CLSTN2: variants seen among roughly 807,000 people sequenced by gnomAD.
The protein encoded by CLSTN2 is calsyntenin-2.
CLSTN2 carries 48 observed loss-of-function variants against 101.2 expected under a neutral mutation model. That is an observed-to-expected ratio of 0.47 (90% CI 0.38 to 0.60). The LOEUF is 0.60. CLSTN2 is among the 20% of genes least tolerant of loss of function. The pLI is 0.00. For synonymous variants in CLSTN2, 481 were observed against 463.6 expected (o/e 1.04, Z -0.48); for missense variants, 1,160 against 1,238.2 (o/e 0.94, Z 0.95).
In CLSTN2 at chr3:140,010,641, G is replaced by A. The variant is rs537440735; in HGVS notation, c.109+75158G>A. On this transcript the variant is annotated intron_variant, in intron 1 of 16. Coordinates refer to ENST00000458420, the MANE Select transcript of CLSTN2 (RefSeq NM_022131.3). ...TGTGTCCAGGGTTATGATGTCCTCTGGACACTGCATCCCACAGGAGACCAG... is the reference window on the plus strand; with the variant it reads ...TGTGTCCAGGGTTATGATGTCCTCTAGACACTGCATCCCACAGGAGACCAG... Among the ~76,000 whole-genome samples, 56 of 152,250 alleles carry A rather than the reference G, an allele frequency of 3.7e-4. 1 individual carries two copies. In the South Asian group the frequency reaches 0.011, roughly 31 times the overall value.
At chr3:140,043,396 T>C (rs1023848367) in intron 1 of CLSTN2, among the ~76,000 whole-genome samples, 1 of 152,230 alleles carries the variant, frequency 6.6e-6, no homozygotes, top group African/African-American at 2.4e-5. Flanking sequence ...GTAAATTTGT[T>C]TGAGTTCTTT....
rs533632701 is a variant in CLSTN2 at position 140,015,649 on chromosome 3, G to A, written c.109+80166G>A. 2.0e-5 allele frequency among the ~76,000 whole-genome samples: 3 copies of A among 152,358 alleles called. No individual in the cohort carries two copies. In the East Asian group the frequency reaches 5.8e-4, roughly 29 times the overall value. ...ATCATGGGAGGAACAGATTTGGGTGGAAAGATCAATAGTTCTGGACATGAT... is the reference window on the plus strand; with the variant it reads ...ATCATGGGAGGAACAGATTTGGGTGAAAAGATCAATAGTTCTGGACATGAT... On this transcript the variant is annotated intron_variant, in intron 1 of 16. Coordinates refer to ENST00000458420, the MANE Select transcript of CLSTN2 (RefSeq NM_022131.3).
intron 2 of CLSTN2, among the ~76,000 whole-genome samples, chr3:140,339,514 G>A (rs2087471924): frequency 6.6e-6 from 1 of 152,094 alleles, no homozygotes; most frequent in Admixed American, 6.6e-5. Flanking sequence ...CATGTCACCT[G>A]GGGAGCTTAA....
At chr3:140,242,367 G>T (rs2086477908) in intron 2 of CLSTN2, among the ~76,000 whole-genome samples, 1 of 152,122 alleles carries the variant, frequency 6.6e-6, no homozygotes, top group African/African-American at 2.4e-5. Context: ...TAGCAGAAAT[G>T]TGAAGAAAGC....
rs577859935 is a variant in CLSTN2 at position 140,278,439 on chromosome 3, C to G, written c.232+102366C>G. On this transcript the variant is annotated intron_variant, in intron 2 of 16. Coordinates refer to ENST00000458420, the MANE Select transcript of CLSTN2 (RefSeq NM_022131.3). ...TGTGAAGCACTTTCTCTCCTTTTCCCAGGCTCATGGCTGCTCACCCTTCAG... is the reference window on the plus strand; with the variant it reads ...TGTGAAGCACTTTCTCTCCTTTTCCGAGGCTCATGGCTGCTCACCCTTCAG... Among the ~76,000 whole-genome samples the G allele has an allele frequency of 5.3e-5, 8 of 152,292 alleles. No homozygotes were observed. The South Asian group carries it at 1.7e-3, about 32-fold the overall frequency.
chr3:140,289,328 GT>G (rs60116021), intron 2 of CLSTN2, among the ~76,000 whole-genome samples: 14,723 of 150,582 alleles, frequency 0.098, 1,878 homozygotes, highest in African/African-American at 0.29. Flanking sequence ...ATGGTTTTGT[GT>G]TTTTTTTTGT....
At chr3:140,059,261 T>C (rs1361435243) in intron 1 of CLSTN2, among the ~76,000 whole-genome samples, 3 of 152,228 alleles carry the variant, frequency 2.0e-5, no homozygotes, top group African/African-American at 7.2e-5. Context: ...ATAAGTGTCC[T>C]AAGAGTGTTA....
At chr3:140,339,307 G>T (rs1252366333) in intron 2 of CLSTN2, among the ~76,000 whole-genome samples, 2 of 152,078 alleles carry the variant, frequency 1.3e-5, no homozygotes, top group Non-Finnish European at 2.9e-5. Flanking sequence ...CTAGCAGACT[G>T]ATTCTCTCTC....
chr3:140,205,621 C>CCA (rs1553721852), intron 2 of CLSTN2, among the ~76,000 whole-genome samples: 2,274 of 98,992 alleles, frequency 0.023, 146 homozygotes, highest in African/African-American at 0.077. Flanking sequence ...CTGACCCGCC[C>CCA]CCCACCCACA....
rs568789805 is a variant in CLSTN2, at chr3:140,366,181, T to C, written c.233-37448T>C. Among the ~76,000 whole-genome samples the C allele has an allele frequency of 1.6e-4, 24 of 152,310 alleles. No individual in the cohort carries two copies. The East Asian group carries it at 4.3e-3, about 27-fold the overall frequency. ...ACTGATCCCTGGGATGGATGGACAG[T>C]GTCCTTATCACCCCTCACCTCCCCT... On this transcript the variant is annotated intron_variant, in intron 2 of 16. Transcript: ENST00000458420.
intron 1 of CLSTN2, among the ~76,000 whole-genome samples, chr3:140,032,979 T>G (rs563135366): frequency 6.6e-6 from 1 of 152,216 alleles, no homozygotes; most frequent in Non-Finnish European, 1.5e-5. Context: ...ACAGTACCCA[T>G]TGAATCTGAC....
intron 1 of CLSTN2, among the ~76,000 whole-genome samples, chr3:140,001,858 GT>G: frequency 6.6e-6 from 1 of 152,032 alleles, no homozygotes; most frequent in Non-Finnish European, 1.5e-5. Context: ...CCATAAATAA[GT>G]GGGAACGTGT....
chr3:140,085,690 G>T (rs1378292586), intron 1 of CLSTN2, among the ~76,000 whole-genome samples: 1 of 152,044 alleles, frequency 6.6e-6, no homozygotes, highest in Non-Finnish European at 1.5e-5. Context: ...TACCTCCTCT[G>T]CCCCTCTCTC....
At chr3:140,337,032 G>A (rs1479324378) in intron 2 of CLSTN2, among the ~76,000 whole-genome samples, 5 of 152,180 alleles carry the variant, frequency 3.3e-5, no homozygotes, top group South Asian at 2.1e-4. Flanking sequence ...CTGGAGGGCC[G>A]CTGCATCACT....
intron 2 of CLSTN2, among the ~76,000 whole-genome samples, chr3:140,220,470 T>C (rs547450190): frequency 8.5e-5 from 13 of 152,210 alleles, no homozygotes; most frequent in Non-Finnish European, 1.5e-4. Flanking sequence ...CTTTCAGTCT[T>C]AAGTTGGTCT....
chr3:139,936,519 C>T (rs1288336360), intron 1 of CLSTN2, among the ~76,000 whole-genome samples: 2 of 152,170 alleles, frequency 1.3e-5, no homozygotes, highest in Non-Finnish European at 1.5e-5. Flanking sequence ...GGTACTTGGT[C>T]CCCAAATCCT....
Position 139,949,197 on chromosome 3 carries a change from T to C in CLSTN2, c.109+13714T>C, listed in dbSNP as rs577174904. On this transcript the variant is annotated intron_variant, in intron 1 of 16. Transcript: ENST00000458420. Reference sequence around the variant, plus strand: ...CACTACTCAATTGCATTGTCATTGCTCACCTATCTGCGCCTCACTAGATTG... The same window carrying C: ...CACTACTCAATTGCATTGTCATTGCCCACCTATCTGCGCCTCACTAGATTG... Among the ~76,000 whole-genome samples the C allele has an allele frequency of 9.2e-5, 14 of 152,248 alleles. No homozygotes were observed. In the South Asian group the frequency reaches 2.7e-3, roughly 29 times the overall value.
At chr3:139,978,844 G>A (rs1035689948) in intron 1 of CLSTN2, among the ~76,000 whole-genome samples, 30 of 152,200 alleles carry the variant, frequency 2.0e-4, no homozygotes, top group African/African-American at 6.7e-4. Flanking sequence ...GAAAGAGTTG[G>A]CTAAAATAGT....
At chr3:139,993,075 G>T (rs1321863317) in intron 1 of CLSTN2, among the ~76,000 whole-genome samples, 1 of 152,066 alleles carries the variant, frequency 6.6e-6, no homozygotes, top group Non-Finnish European at 1.5e-5. Flanking sequence ...GATCTTAATT[G>T]TGCCTCAATT....
Sources: allele counts gnomAD v4.1 joint callset (sites outside exome capture counted in the v4.1 genomes callset), GRCh38; gene constraint gnomAD v4.1.1; transcripts MANE v1.5; gene names NCBI Gene and HGNC (gene_info 2026-07-23, HGNC 2026-07-21).